Variants in THSD4 observed in about 807,000 individuals in gnomAD.
THSD4 encodes the protein thrombospondin type-1 domain-containing protein 4.
In THSD4, 69 loss-of-function variants were observed where a neutral mutation model predicts 119.0. The ratio of observed to expected loss-of-function variants is 0.58; its 90% CI spans 0.48 to 0.71. THSD4 has a LOEUF of 0.71. Among genes scored for constraint, THSD4 ranks in the 30% least tolerant of loss-of-function variants. The pLI is 0.00. For missense variants in THSD4, 1,393 were observed against 1,391.1 expected (o/e 1.00, Z -0.02); for synonymous variants, 524 against 540.4 (o/e 0.97, Z 0.42).
intron 3 of THSD4, among the ~76,000 whole-genome samples, chr15:71,213,786 A>G (rs1244149396): frequency 6.6e-6 from 1 of 152,228 alleles, no homozygotes; most frequent in East Asian, 1.9e-4. Context: ...CAGCAGGGAC[A>G]TTATTATCAT....
chr15:71,272,787 C>T (rs978177686), intron 6 of THSD4, among the ~76,000 whole-genome samples: 1 of 151,920 alleles, frequency 6.6e-6, no homozygotes, highest in South Asian at 2.1e-4. Context: ...TCACTTGAAC[C>T]CGGGAGGCGG....
chr15:71,667,724 A>G (rs762680312), intron 8 of THSD4, among the ~76,000 whole-genome samples: 1 of 152,244 alleles, frequency 6.6e-6, no homozygotes, highest in South Asian at 2.1e-4. Flanking sequence ...TCGTATGACT[A>G]TTAATCCCTA....
intron 3 of THSD4, among the ~76,000 whole-genome samples, chr15:71,199,482 G>T (rs2043750573): frequency 7.0e-6 from 1 of 143,626 alleles, no homozygotes; most frequent in Admixed American, 7.0e-5. Context: ...TGGTGTGTGT[G>T]TGTGGGGTGT....
chr15:71,488,656 T>A (rs1214798201), intron 7 of THSD4, among the ~76,000 whole-genome samples: 1 of 152,200 alleles, frequency 6.6e-6, no homozygotes, highest in Non-Finnish European at 1.5e-5. Flanking sequence ...TTTCAAAAAT[T>A]GTCCATTCTT....
Position 71,287,564 on chromosome 15 carries a change from C to T in THSD4, c.1015+30849C>T, listed in dbSNP as rs374689102. Among the ~76,000 whole-genome samples the T allele has an allele frequency of 2.1e-3, 323 of 152,224 alleles. 12 individuals are homozygous for T. The South Asian group carries it at 0.045, about 21-fold the overall frequency. On this transcript the variant is annotated intron_variant, in intron 6 of 17. Coordinates refer to ENST00000261862, the MANE Select transcript of THSD4 (RefSeq NM_024817.3). ...ATCAAGCTTCACGTGGTGAAGAGAA[C>T]GAGGGATATGTTCCTGGGAAAAGCC...
At chr15:71,304,677 C>G (rs1280539228) in intron 6 of THSD4, among the ~76,000 whole-genome samples, 1 of 152,054 alleles carries the variant, frequency 6.6e-6, no homozygotes. Context: ...TTGAAGATGC[C>G]TAAAGGAGTT....
chr15:71,439,994 C>A (rs4283183), intron 7 of THSD4, among the ~76,000 whole-genome samples: 139,070 of 152,118 alleles, frequency 0.91, 63,761 homozygotes, highest in East Asian at 1. Context: ...TGCACATGTA[C>A]CCCAGAACTT....
At chr15:71,574,039 T>C (rs2049404648) in intron 7 of THSD4, among the ~76,000 whole-genome samples, 1 of 152,208 alleles carries the variant, frequency 6.6e-6, no homozygotes, top group Non-Finnish European at 1.5e-5. Context: ...AACCATAATT[T>C]CAATTCTTGA....
At chr15:71,459,827 G>A (rs1012371064) in intron 7 of THSD4, among the ~76,000 whole-genome samples, 9 of 152,230 alleles carry the variant, frequency 5.9e-5, no homozygotes, top group East Asian at 1.9e-4. Flanking sequence ...GGGTTAATAC[G>A]TTCTAGGGAG....
At chr15:71,675,939 C>T (rs1208908521) in intron 8 of THSD4, among the ~76,000 whole-genome samples, 1 of 152,200 alleles carries the variant, frequency 6.6e-6, no homozygotes, top group East Asian at 1.9e-4. Flanking sequence ...CCATCTTGCA[C>T]CCTCCTCACT....
At chr15:71,388,854 G>T (rs1356377627) in intron 6 of THSD4, among the ~76,000 whole-genome samples, 3 of 152,098 alleles carry the variant, frequency 2.0e-5, no homozygotes, top group African/African-American at 4.8e-5. Context: ...ATCTTGAATT[G>T]TAGCTCCCAT....
chr15:71,564,976 A>G (rs573042424), intron 7 of THSD4, among the ~76,000 whole-genome samples: 1 of 152,246 alleles, frequency 6.6e-6, no homozygotes, highest in East Asian at 1.9e-4. Flanking sequence ...ATAGTATCAC[A>G]TCAATTAAGT....
intron 7 of THSD4, among the ~76,000 whole-genome samples, chr15:71,517,910 C>T (rs2048383188): frequency 6.6e-6 from 1 of 152,206 alleles, no homozygotes; most frequent in South Asian, 2.1e-4. Flanking sequence ...CTTCCAGAGC[C>T]ATAAGGTTAC....
intron 7 of THSD4, among the ~76,000 whole-genome samples, chr15:71,631,703 G>A (rs151318772): frequency 1.3e-3 from 204 of 152,334 alleles, no homozygotes; most frequent in East Asian, 0.01. Flanking sequence ...TTGGCTACGC[G>A]GTTCCAGTCA....
intron 7 of THSD4, among the ~76,000 whole-genome samples, chr15:71,551,754 T>C (rs563645688): frequency 6.6e-6 from 1 of 152,238 alleles, no homozygotes; most frequent in Admixed American, 6.5e-5. Flanking sequence ...GTTAGAGGCC[T>C]AGAGCCCAGC....
rs77313455 is a variant in THSD4, at chr15:71,138,711, C to G, written c.-79-2738C>G. ...CAAGCCACCACGTATAGGCCACTGC[C>G]TCAGAGGGATCTTCTCTGATCACTG... On this transcript the variant is annotated intron_variant, in intron 1 of 17. Coordinates refer to ENST00000261862, the MANE Select transcript of THSD4 (RefSeq NM_024817.3). 6.6e-5 allele frequency among the ~76,000 whole-genome samples: 10 copies of G among 152,274 alleles called. No homozygotes were observed. The East Asian group carries it at 1.9e-3, about 29-fold the overall frequency.
chr15:71,621,450 A>AT lies in THSD4; in HGVS notation c.1153-39077dup, dbSNP rs536468252. ...ATGAAACACTAACTTTATTCCAGTTATTTGTTGTTTTGCACACTCATTCAG... is the reference window on the plus strand; with the variant it reads ...ATGAAACACTAACTTTATTCCAGTTATTTTGTTGTTTTGCACACTCATTCAG... On this transcript the variant is annotated intron_variant, in intron 7 of 17. Transcript: ENST00000261862. Among the ~76,000 whole-genome samples the AT allele has an allele frequency of 1.1e-3, 175 of 152,198 alleles. 5 individuals carry two copies. In the South Asian group the frequency reaches 0.029, roughly 25 times the overall value.
At chr15:71,414,828 C>T (rs1436196426) in intron 7 of THSD4, among the ~76,000 whole-genome samples, 2 of 152,194 alleles carry the variant, frequency 1.3e-5, no homozygotes, top group Non-Finnish European at 1.5e-5. Flanking sequence ...TAATAGGGTT[C>T]TGATGTTACT....
At chr15:71,407,872 A>G (rs1023907639) in intron 6 of THSD4, among the ~76,000 whole-genome samples, 2 of 152,176 alleles carry the variant, frequency 1.3e-5, no homozygotes, top group African/African-American at 4.8e-5. Context: ...AAGAATTTGC[A>G]TTTTCAGCAA....
Sources: gnomAD v4.1 joint callset for allele counts (sites outside exome capture counted in the v4.1 genomes callset) on GRCh38, gnomAD v4.1.1 for gene constraint, MANE v1.5 for transcripts, NCBI Gene and HGNC (gene_info 2026-07-23, HGNC 2026-07-21) for gene names.